Variants in F11R observed in about 807,000 individuals in gnomAD.
The protein encoded by F11R is F11 receptor.
In F11R, 27 loss-of-function variants were observed where a neutral mutation model predicts 39.3. The ratio of observed to expected loss-of-function variants is 0.69; its 90% CI spans 0.51 to 0.95. The LOEUF is 0.95. Ranked by LOEUF, F11R falls within the 40% of genes least tolerant of loss-of-function variation. F11R has a pLI of 0.00. For missense variants in F11R, 335 were observed against 372.7 expected (o/e 0.90, Z 0.83); for synonymous variants, 131 against 144.9 (o/e 0.90, Z 0.69).
chr1:161,007,194 A>C (rs1230788647), intron 1 of F11R, among the ~76,000 whole-genome samples: 3 of 146,374 alleles, frequency 2.0e-5, no homozygotes, highest in African/African-American at 7.6e-5. Flanking sequence ...TGCTGGGCGC[A>C]GTGGCTCATG....
intron 2 of F11R, 28 bp from the exon 3 acceptor site, chr1:161,001,155 G>A (rs1648462947): frequency 2.5e-6 from 4 of 1,609,354 alleles, no homozygotes; most frequent in Non-Finnish European, 3.4e-6. Context: ...ATGAGCCGAA[G>A]GAAGAAGCAG....
chr1:161,000,089 T>C (rs1648380877), intron 5 of F11R, 57 bp downstream of exon 5: 1 of 1,602,146 alleles, frequency 6.2e-7, no homozygotes, highest in Admixed American at 1.7e-5. Flanking sequence ...TCCTCCCACC[T>C]TTTGGGGTTC....
At chr1:161,016,881 AAAG>A (rs1340541665) in intron 1 of F11R, among the ~76,000 whole-genome samples, 1 of 152,190 alleles carries the variant, frequency 6.6e-6, no homozygotes, top group Non-Finnish European at 1.5e-5. Context: ...GTCTGTGTAG[AAAG>A]AAGTAGACAT....
chr1:161,010,429 G>C (rs113043494), intron 1 of F11R, among the ~76,000 whole-genome samples: 1 of 58,126 alleles, frequency 1.7e-5, no homozygotes, highest in African/African-American at 8.7e-5. Context: ...GGGTGACAGA[G>C]CGAGACTCCA....
chr1:160,996,533 CA>C lies in F11R; in HGVS notation c.*2337del. ...CTGTAATCCCATCACTTTGGGAGGC[CA>C]AGGCAGGCGGATCAAGAGGTCAGGA... On this transcript the variant is annotated 3_prime_UTR_variant, in exon 10 of 10. Coordinates refer to ENST00000368026, the MANE Select transcript of F11R (RefSeq NM_016946.6). 1 of 152,302 alleles carries C rather than the reference CA, an allele frequency of 6.6e-6. No homozygotes were observed. The highest frequency in any genetic ancestry group is 1.5e-5 in the Non-Finnish European group (1 of 68,058). 9.4% of individuals were successfully genotyped at this position (152,302 alleles called of 1,614,324 possible).
rs775545294 is a variant in F11R, at chr1:161,020,991, C to A, written c.64+19G>T. 1 of 1,613,704 alleles carries A rather than the reference C, an allele frequency of 6.2e-7. No homozygotes were observed. The highest frequency in any genetic ancestry group is 1.1e-5 in the South Asian group (1 of 91,056). ...TCTGACCCGACCAACCGATTCCTCC[C>A]GAAACTCTGGGAACTTACACAACAG... On this transcript the variant is annotated intron_variant, in intron 1 of 9. Transcript: ENST00000368026.
In F11R at chr1:160,998,747, T is replaced by G; in HGVS notation, c.*124A>C. 5.7e-6 allele frequency: 5 copies of G among 870,888 alleles called. No homozygotes were observed. The highest frequency in any genetic ancestry group is 9.4e-6 in the Non-Finnish European group (5 of 533,218). The allele number at this position is 870,888 out of a possible 1,614,324, so 53.9% of individuals were successfully genotyped here. A position where few individuals can be genotyped will look rare whatever the true frequency, so the allele number is the denominator to read the frequency against. On this transcript the variant is annotated 3_prime_UTR_variant, in exon 10 of 10. Coordinates refer to ENST00000368026, the MANE Select transcript of F11R (RefSeq NM_016946.6). ...ATTATTAAAAACACATCCGAAGAAGTAGGGGGCCCTGTGGGGTGTAGAAGA... is the reference window on the plus strand; with the variant it reads ...ATTATTAAAAACACATCCGAAGAAGGAGGGGGCCCTGTGGGGTGTAGAAGA...
chr1:161,015,423 T>A (rs1649408492), intron 1 of F11R, among the ~76,000 whole-genome samples: 1 of 141,002 alleles, frequency 7.1e-6, no homozygotes, highest in Non-Finnish European at 1.5e-5. Flanking sequence ...TATATATATA[T>A]ATATACACAC....
intron 1 of F11R, among the ~76,000 whole-genome samples, chr1:161,015,633 T>C (rs192983472): frequency 6.7e-6 from 1 of 148,452 alleles, no homozygotes; most frequent in African/African-American, 2.5e-5. Context: ...ATCATGCCAT[T>C]GTACTCCAGC....
intron 1 of F11R, among the ~76,000 whole-genome samples, chr1:161,010,461 T>C (rs1010815451): frequency 2.0e-5 from 1 of 49,804 alleles, no homozygotes; most frequent in South Asian, 6.5e-4. Flanking sequence ...AAAAAAACAG[T>C]TGATCCAAAC....
intron 1 of F11R, among the ~76,000 whole-genome samples, chr1:161,014,262 C>T (rs553885619): frequency 7.2e-5 from 11 of 152,328 alleles, no homozygotes; most frequent in African/African-American, 2.6e-4. Flanking sequence ...ATTATTATCA[C>T]ATAAAATGTG....
intron 1 of F11R, among the ~76,000 whole-genome samples, chr1:161,018,631 T>C (rs1050994201): frequency 2.0e-4 from 30 of 152,174 alleles, no homozygotes; most frequent in Middle Eastern, 3.2e-3. Flanking sequence ...ATGAAAAGAC[T>C]GAGCTACTGC....
At chr1:161,002,956 G>GT (rs35780690) in intron 1 of F11R, among the ~76,000 whole-genome samples, 12,697 of 132,362 alleles carry the variant, frequency 0.096, 733 homozygotes, top group Non-Finnish European at 0.13. Context: ...CTATTTATTT[G>GT]TTTTTTTTTT....
chr1:160,996,925 T>C lies in F11R; in HGVS notation c.*1946A>G, dbSNP rs1648161670. The C allele has an allele frequency of 6.6e-6, 1 of 152,356 alleles. No homozygotes were observed. Among genetic ancestry groups the C allele is most frequent in the Admixed American group, 6.5e-5 (1 of 15,272 alleles). 9.4% of individuals were successfully genotyped at this position (152,356 alleles called of 1,614,324 possible). On this transcript the variant is annotated 3_prime_UTR_variant, in exon 10 of 10. Coordinates refer to ENST00000368026, the MANE Select transcript of F11R (RefSeq NM_016946.6). ...GACTGATGGCTTCATTAGCATTTTG[T>C]TTTTCTTTTTGGATCCTTAATAGAA...
At chr1:161,008,419 G>A (rs377726789) in intron 1 of F11R, among the ~76,000 whole-genome samples, 7 of 151,934 alleles carry the variant, frequency 4.6e-5, no homozygotes, top group African/African-American at 9.7e-5. Flanking sequence ...GTAGAATGGC[G>A]TGAACCCGGG....
At chr1:161,007,769 ATAAATAAAGCCTGAAAAGTGCCTACTC>A (rs1274090213) in intron 1 of F11R, among the ~76,000 whole-genome samples, 2 of 152,188 alleles carry the variant, frequency 1.3e-5, no homozygotes, top group African/African-American at 4.8e-5. Flanking sequence ...AACAAGACAT[ATAAATAAAGCCTGAAAAGTGCCTACTC>A]CAGCCTACCA....
At chr1:161,000,095 G>C (rs372405569) in intron 5 of F11R, 51 bp downstream of exon 5, 55 of 1,606,598 alleles carry the variant, frequency 3.4e-5, no homozygotes, top group East Asian at 2.2e-4. Flanking sequence ...CACCTTTTGG[G>C]GTTCTATAAC....
chr1:161,015,179 G>A (rs1176844283), intron 1 of F11R, among the ~76,000 whole-genome samples: 8 of 151,410 alleles, frequency 5.3e-5, no homozygotes, highest in African/African-American at 1.5e-4. Flanking sequence ...GGCAGATCAC[G>A]AGGTCAGCAG....
chr1:161,000,021 A>G (rs1348192582), intron 5 of F11R, 43 bp from the exon 6 acceptor site: 1 of 1,605,830 alleles, frequency 6.2e-7, no homozygotes, highest in Non-Finnish European at 8.5e-7. Context: ...AAGAAGCAAA[A>G]TAGACATTTT....
Sources: gnomAD v4.1 joint callset for allele counts (sites outside exome capture counted in the v4.1 genomes callset) on GRCh38, gnomAD v4.1.1 for gene constraint, MANE v1.5 for transcripts, NCBI Gene and HGNC (gene_info 2026-07-23, HGNC 2026-07-21) for gene names.